The following ZNF804A variants were observed in gnomAD, a reference collection of about 807,000 sequenced individuals.
ZNF804A encodes the protein zinc finger protein 804A.
Under a neutral mutation model 16.5 loss-of-function variants are expected in ZNF804A, and 2 were observed. The ratio of observed to expected loss-of-function variants is 0.12; its 90% confidence interval spans 0.05 to 0.38. ZNF804A has a LOEUF of 0.38. Among genes scored for constraint, ZNF804A ranks in the 10% least tolerant of loss-of-function variants. The pLI is 0.99. For synonymous variants in ZNF804A, 534 were observed against 489.6 expected (o/e 1.09, Z -1.20); for missense variants, 1,473 against 1,390.7 (o/e 1.06, Z -0.94).
chr2:184,897,646 C>T (rs544759442), intron 2 of ZNF804A, among the ~76,000 whole-genome samples: 2 of 152,158 alleles, frequency 1.3e-5, no homozygotes, highest in East Asian at 3.9e-4. Context: ...TTATTTCAAT[C>T]ATTAATTTAT....
At chr2:184,607,813 A>G (rs1691173286) in intron 1 of ZNF804A, among the ~76,000 whole-genome samples, 1 of 152,214 alleles carries the variant, frequency 6.6e-6, no homozygotes, top group Non-Finnish European at 1.5e-5. Context: ...AAATATGTAC[A>G]GAGTTATGTC....
rs1306036693 is a variant in ZNF804A at position 184,901,283 on chromosome 2, C to A, written c.256-32320C>A. On this transcript the variant is annotated intron_variant, in intron 2 of 3. Transcript: ENST00000302277. ...TTACAAAGGATAAAGAGGAGGGAAC[C>A]AGGGAAGGCAGAGGAAACTTCAGAT... Among the ~76,000 whole-genome samples the A allele has an allele frequency of 5.9e-5, 9 of 152,014 alleles. No individual in the cohort carries two copies. The East Asian group carries it at 9.6e-4, about 16-fold the overall frequency.
At chr2:184,608,861 G>T (rs974460492) in intron 1 of ZNF804A, among the ~76,000 whole-genome samples, 1 of 152,210 alleles carries the variant, frequency 6.6e-6, no homozygotes, top group Non-Finnish European at 1.5e-5. Context: ...TACCACATTA[G>T]TATAAGGAAT....
At chr2:184,740,862 C>T (rs1408300643) in intron 1 of ZNF804A, among the ~76,000 whole-genome samples, 1 of 152,068 alleles carries the variant, frequency 6.6e-6, no homozygotes, top group African/African-American at 2.4e-5. Context: ...AGCTTTAGGA[C>T]CTAGCAGAAA....
At chr2:184,715,608 C>T (rs962980584) in intron 1 of ZNF804A, among the ~76,000 whole-genome samples, 14 of 151,932 alleles carry the variant, frequency 9.2e-5, no homozygotes, top group Admixed American at 2.0e-4. Flanking sequence ...GCTATGTTGC[C>T]TAGGCTTATC....
chr2:184,622,115 G>A (rs1216163708), intron 1 of ZNF804A, among the ~76,000 whole-genome samples: 1 of 151,722 alleles, frequency 6.6e-6, no homozygotes, highest in African/African-American at 2.4e-5. Flanking sequence ...CAGGCAATCT[G>A]TCTTCAGAGC....
chr2:184,811,435 G>A (rs1433525737), intron 1 of ZNF804A, among the ~76,000 whole-genome samples: 1 of 100,956 alleles, frequency 9.9e-6, no homozygotes, highest in Non-Finnish European at 2.0e-5. Context: ...GTATTACTAA[G>A]ATTATTAGTA....
intron 1 of ZNF804A, among the ~76,000 whole-genome samples, chr2:184,745,904 T>C (rs1442406890): frequency 6.6e-6 from 1 of 151,664 alleles, no homozygotes; most frequent in Non-Finnish European, 1.5e-5. Context: ...TCAAATAGTG[T>C]ATGAATTATT....
intron 1 of ZNF804A, among the ~76,000 whole-genome samples, chr2:184,829,899 C>CAAAAAAAAAAAAAAAA (rs1244566222): frequency 2.1e-4 from 8 of 38,902 alleles, no homozygotes; most frequent in African/African-American, 4.7e-4. Context: ...CTGTCTCTAC[C>CAAAAAAAAAAAAAAAA]AAAAAAAAAA....
intron 1 of ZNF804A, among the ~76,000 whole-genome samples, chr2:184,803,868 G>A (rs182013686): frequency 1.3e-5 from 2 of 149,006 alleles, no homozygotes; most frequent in African/African-American, 2.5e-5. Context: ...CTTTTTTTTT[G>A]GGGGGGAGGG....
At chr2:184,708,689 A>G (rs889198836) in intron 1 of ZNF804A, among the ~76,000 whole-genome samples, 1 of 152,186 alleles carries the variant, frequency 6.6e-6, no homozygotes, top group Non-Finnish European at 1.5e-5. Context: ...ATAATAACTT[A>G]ATAAATATTT....
intron 1 of ZNF804A, among the ~76,000 whole-genome samples, chr2:184,682,069 G>T (rs1051022699): frequency 6.6e-6 from 1 of 152,244 alleles, no homozygotes; most frequent in African/African-American, 2.4e-5. Context: ...AACAAGCTTA[G>T]GGAGGGAGAC....
At chr2:184,661,954 G>T (rs1157947742) in intron 1 of ZNF804A, among the ~76,000 whole-genome samples, 2 of 152,098 alleles carry the variant, frequency 1.3e-5, no homozygotes, top group African/African-American at 4.8e-5. Flanking sequence ...AAGCCTGCTG[G>T]ATTTTCTTTT....
At chr2:184,811,947 A>T (rs1283799990) in intron 1 of ZNF804A, among the ~76,000 whole-genome samples, 4 of 152,208 alleles carry the variant, frequency 2.6e-5, no homozygotes, top group Non-Finnish European at 5.9e-5. Flanking sequence ...GTGAGAACAC[A>T]GTCGCCCATC....
intron 1 of ZNF804A, among the ~76,000 whole-genome samples, chr2:184,841,411 A>G (rs986413062): frequency 6.6e-6 from 1 of 152,172 alleles, no homozygotes; most frequent in African/African-American, 2.4e-5. Flanking sequence ...TACATCTTAT[A>G]AATATTTTAA....
At chr2:184,638,590 G>A (rs1165407063) in intron 1 of ZNF804A, among the ~76,000 whole-genome samples, 1 of 152,106 alleles carries the variant, frequency 6.6e-6, no homozygotes, top group Non-Finnish European at 1.5e-5. Flanking sequence ...TACATAATTA[G>A]TGAGTATATA....
intron 1 of ZNF804A, among the ~76,000 whole-genome samples, chr2:184,838,987 A>T (rs867098939): frequency 6.6e-6 from 1 of 152,100 alleles, no homozygotes; most frequent in Non-Finnish European, 1.5e-5. Context: ...TGTGTTGGTT[A>T]CATGGTCATT....
intron 1 of ZNF804A, among the ~76,000 whole-genome samples, chr2:184,775,748 C>A (rs1489681044): frequency 6.6e-6 from 1 of 151,596 alleles, no homozygotes; most frequent in African/African-American, 2.4e-5. Flanking sequence ...ATTTGTACTG[C>A]TCAAGCACTT....
intron 1 of ZNF804A, among the ~76,000 whole-genome samples, chr2:184,649,387 G>T: frequency 6.6e-6 from 1 of 151,798 alleles, no homozygotes; most frequent in East Asian, 1.9e-4. Context: ...AAAACAAGGA[G>T]AAACTAACCC....
Sources: gnomAD v4.1 joint callset for allele counts (sites outside exome capture counted in the v4.1 genomes callset) on GRCh38, gnomAD v4.1.1 for gene constraint, MANE v1.5 for transcripts, NCBI Gene and HGNC (gene_info 2026-07-23, HGNC 2026-07-21) for gene names.